Variants in KCTD7 observed in about 807,000 individuals in gnomAD.
KCTD7 encodes the protein BTB/POZ domain-containing protein KCTD7.
Under a neutral mutation model 27.0 loss-of-function variants are expected in KCTD7, and 15 were observed. The ratio of observed to expected loss-of-function variants is 0.56; its 90% CI spans 0.37 to 0.86. The LOEUF (loss-of-function observed/expected upper bound fraction) is 0.86, where lower values mean the gene tolerates loss of function less well. KCTD7 is among the 40% of genes least tolerant of loss of function. The pLI is 0.00. For synonymous variants in KCTD7, 159 were observed against 162.7 expected (o/e 0.98, Z 0.17); for missense variants, 299 against 398.9 (o/e 0.75, Z 2.13).
intron 2 of KCTD7, among the ~76,000 whole-genome samples, chr7:66,634,686 G>A (rs1425375188): frequency 1.3e-5 from 2 of 152,004 alleles, no homozygotes; most frequent in Non-Finnish European, 1.5e-5. Context: ...GAGGCATGGT[G>A]TGTAGCAGTG....
intron 2 of KCTD7, among the ~76,000 whole-genome samples, chr7:66,634,192 T>TTCTATCTGTCTA (rs1786526424): frequency 1.4e-5 from 2 of 139,960 alleles, no homozygotes; most frequent in African/African-American, 5.5e-5. Flanking sequence ...ATGTGTGTGA[T>TTCTATCTGTCTA]TCTATCTATC....
chr7:66,632,098 A>G (rs1269554415), intron 1 of KCTD7, among the ~76,000 whole-genome samples: 1 of 152,232 alleles, frequency 6.6e-6, no homozygotes, highest in Non-Finnish European at 1.5e-5. Flanking sequence ...GGGACAGTAG[A>G]CAGAAATGCT....
intron 2 of KCTD7, among the ~76,000 whole-genome samples, chr7:66,637,181 G>A (rs1346904382): frequency 6.6e-6 from 1 of 152,156 alleles, no homozygotes; most frequent in African/African-American, 2.4e-5. Flanking sequence ...CACTTCCCAG[G>A]TTGAAGCAGT....
In KCTD7 at chr7:66,639,916, A is replaced by T. The variant is rs1786675006; in HGVS notation, c.*684A>T. On this transcript the variant is annotated 3_prime_UTR_variant, in exon 4 of 4. Transcript: ENST00000639828. ...ACCACAATGTTTACAGCCCTGTCTTAGGGCCGCGGCTTCTCTTATCTTCCA... is the reference window on the plus strand; with the variant it reads ...ACCACAATGTTTACAGCCCTGTCTTTGGGCCGCGGCTTCTCTTATCTTCCA... 8.0e-7 allele frequency: 1 copy of T among 1,247,340 alleles called. No individual in the cohort carries two copies. The highest frequency in any genetic ancestry group is 1.5e-5 in the African/African-American group (1 of 64,566). 77.3% of individuals were successfully genotyped at this position (1,247,340 alleles called of 1,614,324 possible).
Position 66,642,865 on chromosome 7 carries a change from T to A in KCTD7, c.*3633T>A. On this transcript the variant is annotated 3_prime_UTR_variant, in exon 4 of 4. Transcript: ENST00000639828. ...GAGGGAGGTGGGAACAAACAGTGAG[T>A]ATGGGAACAGGCAGTCACCTCGAGT... 1.0e-6 allele frequency: 1 copy of A among 985,238 alleles called. No homozygotes were observed. The highest frequency in any genetic ancestry group is 1.2e-6 in the Non-Finnish European group (1 of 829,954). The allele number at this position is 985,238 out of a possible 1,614,324, so 61.0% of individuals were successfully genotyped here. A position where few individuals can be genotyped will look rare whatever the true frequency, so the allele number is the denominator to read the frequency against.
chr7:66,640,133 G>A lies in KCTD7; in HGVS notation c.*901G>A. The A allele has an allele frequency of 7.4e-7, 1 of 1,351,756 alleles. No individual in the cohort carries two copies. The highest frequency in any genetic ancestry group is 2.2e-5 in the South Asian group (1 of 46,150). 83.7% of individuals were successfully genotyped at this position (1,351,756 alleles called of 1,614,324 possible). On this transcript the variant is annotated 3_prime_UTR_variant, in exon 4 of 4. Coordinates refer to ENST00000639828, the MANE Select transcript of KCTD7 (RefSeq NM_153033.5). The stretch of plus-strand genomic sequence containing the variant: ...CTCATGTGTTAGAATCCAGTTTGTG[G>A]TGAACCTCTTTGGAAGGGGACCCCC...
chr7:66,637,888 CTATA>C (rs932512202), intron 2 of KCTD7, among the ~76,000 whole-genome samples: 1 of 151,572 alleles, frequency 6.6e-6, no homozygotes, highest in Non-Finnish European at 1.5e-5. Context: ...AATTCTAAAA[CTATA>C]TATATATAAA....
Position 66,638,451 on chromosome 7 carries a change from G to T in KCTD7, c.493+20G>T, listed in dbSNP as rs1172528485. The T allele has an allele frequency of 6.2e-7, 1 of 1,612,626 alleles. No homozygotes were observed. The highest frequency in any genetic ancestry group is 1.1e-5 in the South Asian group (1 of 91,066). ...ACAAAGGTGAGGGTCAGCTGCCCAG[G>T]ATGGTGGGTATGTGGGAGGAGGTCT... On this transcript the variant is annotated intron_variant, in intron 3 of 3. Transcript: ENST00000639828.
Position 66,633,428 on chromosome 7 carries a change from G to C in KCTD7, c.298G>C (p.Asp100His). Residue 100 changes from aspartate to histidine, a missense_variant, in exon 2 of 4, where the codon GAT becomes CAT. Asp to His is a moderately conservative substitution (Grantham distance 81, BLOSUM62 -1). Transcript: ENST00000639828. ...DSEGRYFIDR[D>H]GTHFGDVLNF... ...CGAGGGCCGGTACTTCATCGACCGA[G>C]ATGGCACACACTTTGGGTATGTCTC... 9 of 1,614,112 alleles carry C rather than the reference G, an allele frequency of 5.6e-6. No individual in the cohort carries two copies. The highest frequency in any genetic ancestry group is 7.6e-6 in the Non-Finnish European group (9 of 1,180,034).
At chr7:66,634,336 A>T (rs1474266159) in intron 2 of KCTD7, among the ~76,000 whole-genome samples, 5 of 151,566 alleles carry the variant, frequency 3.3e-5, no homozygotes, top group African/African-American at 9.7e-5. Flanking sequence ...TACAGTATTT[A>T]TTTAAGTTTT....
rs1385363001 is a variant in KCTD7, at chr7:66,639,805, T to C, written c.*573T>C. 5.6e-6 allele frequency: 7 copies of C among 1,249,880 alleles called. No individual in the cohort carries two copies. The highest frequency in any genetic ancestry group is 7.0e-6 in the Non-Finnish European group (7 of 998,438). The allele number at this position is 1,249,880 out of a possible 1,614,324, so 77.4% of individuals were successfully genotyped here. On this transcript the variant is annotated 3_prime_UTR_variant, in exon 4 of 4. Coordinates refer to ENST00000639828, the MANE Select transcript of KCTD7 (RefSeq NM_153033.5). ...CATTCCCAAAATGTGGAAAGACTTT[T>C]CTTTTCCTTCCGGAACATGTTCTTC...
chr7:66,629,382 A>G (rs922774213), intron 1 of KCTD7, among the ~76,000 whole-genome samples, 174 bp downstream of exon 1: 1 of 37,834 alleles, frequency 2.6e-5, no homozygotes, highest in Non-Finnish European at 5.3e-5. Context: ...ACCCCTACCC[A>G]CCCACCTTCA....
Position 66,640,054 on chromosome 7 carries a change from T to C in KCTD7, c.*822T>C, listed in dbSNP as rs1786678999. On this transcript the variant is annotated 3_prime_UTR_variant, in exon 4 of 4. Transcript: ENST00000639828. ...GGCAAGATGCCTAGATCTTCTGTTA[T>C]CTTTGACATGTAACATCCTTTTTAG... 2 of 1,265,380 alleles carry C rather than the reference T, an allele frequency of 1.6e-6. No homozygotes were observed. The highest frequency in any genetic ancestry group is 3.1e-5 in the East Asian group (1 of 32,500). 78.4% of individuals were successfully genotyped at this position (1,265,380 alleles called of 1,614,324 possible).
intron 2 of KCTD7, among the ~76,000 whole-genome samples, chr7:66,638,015 AT>A (rs1334958796): frequency 6.6e-6 from 1 of 152,206 alleles, no homozygotes; most frequent in Non-Finnish European, 1.5e-5. Flanking sequence ...AATAACACTT[AT>A]TGAGGCCCTA....
intron 1 of KCTD7, among the ~76,000 whole-genome samples, chr7:66,632,885 A>AAT (rs149316964): frequency 0.47 from 69,842 of 149,272 alleles, 17,234 homozygotes; most frequent in African/African-American, 0.62. Flanking sequence ...CTACTAAAAA[A>AAT]ATATATATAT....
intron 2 of KCTD7, among the ~76,000 whole-genome samples, chr7:66,635,271 C>CA (rs1325897608): frequency 6.6e-6 from 1 of 152,112 alleles, no homozygotes; most frequent in East Asian, 1.9e-4. Flanking sequence ...CTCAGACTGC[C>CA]AAAGTGCTGG....
In KCTD7 at chr7:66,641,524, A is replaced by C. The variant is rs1786716274; in HGVS notation, c.*2292A>C. ...AAAAACAGGTCCTGAAGGCTTGCTTAGGATTACAGGGATGCTGGGTAAGAA... is the reference window on the plus strand; with the variant it reads ...AAAAACAGGTCCTGAAGGCTTGCTTCGGATTACAGGGATGCTGGGTAAGAA... On this transcript the variant is annotated 3_prime_UTR_variant, in exon 4 of 4. Transcript: ENST00000639828. 1 of 985,266 alleles carries C rather than the reference A, an allele frequency of 1.0e-6. No homozygotes were observed. Among genetic ancestry groups the C allele is most frequent in the Non-Finnish European group, 1.2e-6 (1 of 829,934 alleles). 61.0% of individuals were successfully genotyped at this position (985,266 alleles called of 1,614,324 possible).
At chr7:66,638,185 T>A in intron 2 of KCTD7, 68 bp from the exon 3 acceptor site, 1 of 1,547,716 alleles carries the variant, frequency 6.5e-7, no homozygotes, top group South Asian at 1.1e-5. Context: ...TTTTGTCCAA[T>A]GCACACTGTG....
In KCTD7 at chr7:66,640,379, ACTC is replaced by A. The variant is rs1314042100; in HGVS notation, c.*1151_*1153del. 1.3e-6 allele frequency: 2 copies of A among 1,536,794 alleles called. No homozygotes were observed. The highest frequency in any genetic ancestry group is 4.9e-5 in the East Asian group (2 of 40,882). On this transcript the variant is annotated 3_prime_UTR_variant, in exon 4 of 4. Coordinates refer to ENST00000639828, the MANE Select transcript of KCTD7 (RefSeq NM_153033.5). Reference sequence around the variant, plus strand: ...CACTCCTGTATATTTTGGTTTACTTACTCCTCTATTTCAGAAATTGAAAAAGAT... The same window carrying A: ...CACTCCTGTATATTTTGGTTTACTTACTCTATTTCAGAAATTGAAAAAGAT...
Sources: allele counts gnomAD v4.1 joint callset (sites outside exome capture counted in the v4.1 genomes callset), GRCh38; gene constraint gnomAD v4.1.1; transcripts MANE v1.5; gene names NCBI Gene and HGNC (gene_info 2026-07-23, HGNC 2026-07-21).